Variants in PEPD observed in about 807,000 individuals in gnomAD.
PEPD encodes peptidase D.
Under a neutral mutation model 60.7 loss-of-function variants are expected in PEPD, and 53 were observed. The ratio of observed to expected loss-of-function variants is 0.87; its 90% CI spans 0.70 to 1.10. The LOEUF (loss-of-function observed/expected upper bound fraction) is 1.10, where lower values mean the gene tolerates loss of function less well. Ranked by LOEUF, PEPD falls within the 50% of genes least tolerant of loss-of-function variation. The pLI is 0.00. For synonymous variants in PEPD, 267 were observed against 284.1 expected, an observed-to-expected ratio of 0.94 and a Z score of 0.60; for missense variants, 711 against 711.9, an observed-to-expected ratio of 1.00 and a Z score of 0.01.
chr19:33,436,695 C>T (rs1233247469), intron 9 of PEPD, among the ~76,000 whole-genome samples: 1 of 152,262 alleles, frequency 6.6e-6, no homozygotes, highest in Non-Finnish European at 1.5e-5. Context: ...CTCATGGGCA[C>T]TGAGCCAGAA....
At chr19:33,420,726 T>TAAAA (rs1037037963) in intron 9 of PEPD, among the ~76,000 whole-genome samples, 3 of 149,206 alleles carry the variant, frequency 2.0e-5, no homozygotes, top group Non-Finnish European at 3.0e-5. Context: ...AATAAATAAA[T>TAAAA]AAAAATGATT....
chr19:33,518,737 G>A (rs1286287206), intron 1 of PEPD, among the ~76,000 whole-genome samples: 3 of 152,062 alleles, frequency 2.0e-5, no homozygotes, highest in African/African-American at 4.8e-5. Context: ...CTGGCCCTGC[G>A]GATACAAAAG....
chr19:33,425,829 C>T (rs994218091), intron 9 of PEPD, among the ~76,000 whole-genome samples: 3 of 152,164 alleles, frequency 2.0e-5, no homozygotes, highest in Non-Finnish European at 2.9e-5. Flanking sequence ...GAGGAAAAGC[C>T]TGGTTTTTCG....
chr19:33,506,174 AAC>A (rs981836978), intron 3 of PEPD, among the ~76,000 whole-genome samples: 1 of 127,482 alleles, frequency 7.8e-6, no homozygotes, highest in African/African-American at 3.1e-5. Flanking sequence ...CACCCTACAC[AAC>A]ACTCACACAC....
At chr19:33,388,991 G>T (rs1232237522) in intron 13 of PEPD, 1 of 152,422 alleles carries the variant, frequency 6.6e-6, no homozygotes, top group East Asian at 1.9e-4. Context: ...TATGCTTTCT[G>T]GTCAGGGGAT....
intron 7 of PEPD, among the ~76,000 whole-genome samples, chr19:33,474,854 C>T (rs1034979843): frequency 4.0e-5 from 6 of 151,728 alleles, no homozygotes; most frequent in Non-Finnish European, 7.4e-5. Context: ...GTGGCGTGTA[C>T]CTGGAGTCAC....
intron 3 of PEPD, among the ~76,000 whole-genome samples, chr19:33,506,401 ACACACCCTCAT>A (rs1408329376): frequency 2.9e-5 from 4 of 138,108 alleles, no homozygotes; most frequent in Non-Finnish European, 6.2e-5. Context: ...CCACTCACAC[ACACACCCTCAT>A]CACACCCTAC....
chr19:33,459,415 G>A (rs1285951074), intron 9 of PEPD, among the ~76,000 whole-genome samples: 1 of 152,176 alleles, frequency 6.6e-6, no homozygotes, highest in Non-Finnish European at 1.5e-5. Context: ...GCGTTTGCAG[G>A]TAATGGATCC....
intron 11 of PEPD, among the ~76,000 whole-genome samples, chr19:33,405,766 G>A (rs1162348347): frequency 6.6e-6 from 1 of 152,236 alleles, no homozygotes; most frequent in African/African-American, 2.4e-5. Flanking sequence ...AACCCACCAA[G>A]GGGACCTCTC....
chr19:33,398,862 G>A (rs1421195574), intron 12 of PEPD, among the ~76,000 whole-genome samples: 2 of 152,158 alleles, frequency 1.3e-5, no homozygotes, highest in Non-Finnish European at 2.9e-5. Context: ...GGGAATTCAC[G>A]CTCTCACTCC....
At chr19:33,509,272 A>G (rs1439418850) in intron 3 of PEPD, among the ~76,000 whole-genome samples, 2 of 152,096 alleles carry the variant, frequency 1.3e-5, no homozygotes, top group Non-Finnish European at 1.5e-5. Context: ...GGGTGTGTCC[A>G]CTCCGTGCCC....
In PEPD at chr19:33,391,457, G is replaced by A. The variant is rs918527214; in HGVS notation, c.990C>T (p.His330=). 1.1e-5 allele frequency: 17 copies of A among 1,552,300 alleles called. No individual in the cohort carries two copies. The highest frequency in any genetic ancestry group is 1.4e-5 in the Non-Finnish European group (16 of 1,148,298). The part of the protein sequence containing the change: ...MKPGVWWPDM[H]RLADRIHLEE... Reference sequence around the variant, plus strand: ...CCAGGTGGATGCGGTCAGCCAGGCGGTGCATGTCAGGCCACCAGACACCTG... The same window carrying A: ...CCAGGTGGATGCGGTCAGCCAGGCGATGCATGTCAGGCCACCAGACACCTG... Residue 330 remains histidine (H), a synonymous_variant, in exon 13 of 15, where the codon CAC becomes CAT. Coordinates refer to ENST00000244137, the MANE Select transcript of PEPD (RefSeq NM_000285.4).
At chr19:33,451,926 A>C (rs1164447846) in intron 9 of PEPD, among the ~76,000 whole-genome samples, 4 of 152,236 alleles carry the variant, frequency 2.6e-5, no homozygotes, top group African/African-American at 9.6e-5. Flanking sequence ...ACAAAGAATT[A>C]TAAAACCATC....
chr19:33,435,312 G>C (rs1449376280), intron 9 of PEPD, among the ~76,000 whole-genome samples: 1 of 152,166 alleles, frequency 6.6e-6, no homozygotes, highest in Non-Finnish European at 1.5e-5. Flanking sequence ...TTGGAAAATG[G>C]AGGACCCAGA....
chr19:33,500,273 C>T (rs1248122206), intron 4 of PEPD, among the ~76,000 whole-genome samples: 2 of 152,218 alleles, frequency 1.3e-5, no homozygotes, highest in Non-Finnish European at 2.9e-5. Context: ...AGTGTCAGGG[C>T]CTTTGGTCAA....
At position 33,511,046 on chromosome 19, in the gene PEPD, T is replaced by C. The variant is rs1389093016; in HGVS notation, c.311A>G (p.His104Arg). 2 of 1,611,908 alleles carry C rather than the reference T, an allele frequency of 1.2e-6. No individual in the cohort carries two copies. The highest frequency in any genetic ancestry group is 1.1e-5 in the South Asian group (1 of 90,972). Residue 104 changes from histidine to arginine, a missense_variant, in exon 3 of 15, where the codon CAT (histidine) becomes CGT (arginine). Physicochemically the swap from His to Arg is conservative, Grantham distance 29 (BLOSUM62 0). Coordinates refer to ENST00000244137, the MANE Select transcript of PEPD (RefSeq NM_000285.4). ...TCCTTACTTTCCCATCCAGGTGGCATGGCTGGCAGGAAGCCTGGGCACAAA... is the reference window on the plus strand; with the variant it reads ...TCCTTACTTTCCCATCCAGGTGGCACGGCTGGCAGGAAGCCTGGGCACAAA... ...TLFVPRLPASHATWMGKIHSK... is the reference protein window; with the variant it reads ...TLFVPRLPASRATWMGKIHSK...
At chr19:33,492,675 T>C (rs1367848399) in intron 5 of PEPD, among the ~76,000 whole-genome samples, 1 of 152,230 alleles carries the variant, frequency 6.6e-6, no homozygotes, top group Non-Finnish European at 1.5e-5. Flanking sequence ...ACTGACTTTC[T>C]ACATCCACAA....
In PEPD at chr19:33,511,079, G is replaced by A. The variant is rs375348295; in HGVS notation, c.278C>T (p.Ser93Leu). The A allele has an allele frequency of 1.2e-5, 19 of 1,613,888 alleles. No individual in the cohort carries two copies. In the African/African-American group the frequency reaches 1.5e-4, roughly 12 times the overall value. Reference protein sequence around the residue: ...YGVIDVDTGKSTLFVPRLPAS... With the variant: ...YGVIDVDTGKLTLFVPRLPAS... The stretch of plus-strand genomic sequence containing the variant: ...AGGAAGCCTGGGCACAAACAGGGTC[G>A]ACTTCCCAGTGTCAACATCGATGAC... The change falls in exon 3 of 15, where the codon TCG becomes TTG. Residue 93 changes from serine to leucine, a missense_variant. Physicochemically the swap from Ser to Leu is moderately radical, Grantham distance 145. Coordinates refer to ENST00000244137, the MANE Select transcript of PEPD (RefSeq NM_000285.4).
chr19:33,410,762 C>T (rs889876333), intron 11 of PEPD, among the ~76,000 whole-genome samples: 2 of 152,174 alleles, frequency 1.3e-5, no homozygotes, highest in African/African-American at 4.8e-5. Flanking sequence ...CAAGGCACAT[C>T]CTCTGCTAGT....
Sources: allele counts gnomAD v4.1 joint callset (sites outside exome capture counted in the v4.1 genomes callset), GRCh38; gene constraint gnomAD v4.1.1; transcripts MANE v1.5; gene names NCBI Gene and HGNC (gene_info 2026-07-23, HGNC 2026-07-21).